The following RBMS1 variants were observed in gnomAD, a reference collection of about 807,000 sequenced individuals.
RBMS1 encodes the protein RNA-binding motif, single-stranded-interacting protein 1.
A neutral mutation model predicts 62.3 loss-of-function variants in RBMS1; 17 were observed. The observed-to-expected ratio is 0.27, with a 90% confidence interval of 0.19 to 0.41. RBMS1 has a LOEUF of 0.41. Among genes scored for constraint, RBMS1 ranks in the 10% least tolerant of loss-of-function variants. The pLI is 1.00. For missense variants in RBMS1, 334 were observed against 504.5 expected (o/e 0.66, Z 3.24); for synonymous variants, 172 against 170.0 (o/e 1.01, Z -0.09).
At chr2:160,304,111 A>T (rs1227647143) in intron 4 of RBMS1, among the ~76,000 whole-genome samples, 4 of 152,098 alleles carry the variant, frequency 2.6e-5, no homozygotes, top group Non-Finnish European at 5.9e-5. Flanking sequence ...TCAAGAGTAG[A>T]TGGGAAAGGA....
chr2:160,485,319 T>A (rs1286473485), intron 1 of RBMS1, among the ~76,000 whole-genome samples: 1 of 152,126 alleles, frequency 6.6e-6, no homozygotes, highest in Non-Finnish European at 1.5e-5. Flanking sequence ...CAAAGCCTTG[T>A]TGAAAGATTG....
chr2:160,464,401 T>C (rs1225761799), intron 1 of RBMS1, among the ~76,000 whole-genome samples: 1 of 152,208 alleles, frequency 6.6e-6, no homozygotes, highest in Non-Finnish European at 1.5e-5. Context: ...ATCATAAATG[T>C]AGATTTAAAA....
intron 2 of RBMS1, among the ~76,000 whole-genome samples, chr2:160,319,951 T>G (rs916893694): frequency 2.0e-5 from 3 of 152,240 alleles, no homozygotes; most frequent in African/African-American, 7.2e-5. Flanking sequence ...GGCATAATGC[T>G]GCACAAACAC....
chr2:160,450,563 T>TAGAAAAAAAAAAAAAAAAAAAAAAAAA (rs71006605), intron 1 of RBMS1, among the ~76,000 whole-genome samples: 1 of 122,386 alleles, frequency 8.2e-6, no homozygotes, highest in African/African-American at 3.0e-5. Context: ...AAATAAAAAA[T>TAGAAAAAAAAAAAAAAAAAAAAAAAAA]GAAAAAAAAA....
intron 1 of RBMS1, among the ~76,000 whole-genome samples, chr2:160,481,808 T>A (rs927426771): frequency 1.3e-5 from 2 of 152,168 alleles, no homozygotes; most frequent in Non-Finnish European, 2.9e-5. Context: ...CACAATGAGA[T>A]ATCCACTCAC....
chr2:160,300,148 A>C (rs1689134502), intron 6 of RBMS1, among the ~76,000 whole-genome samples: 1 of 152,226 alleles, frequency 6.6e-6, no homozygotes, highest in South Asian at 2.1e-4. Flanking sequence ...TTTGTATTTC[A>C]GATCAGGGTT....
intron 2 of RBMS1, among the ~76,000 whole-genome samples, chr2:160,361,481 T>C (rs1693124955): frequency 6.6e-6 from 1 of 152,214 alleles, no homozygotes. Context: ...CACAGGCATA[T>C]CTCAGAGACA....
rs1018324683 is a variant in RBMS1, at chr2:160,367,815, TA to T, written c.76-425del. Among the ~76,000 whole-genome samples the T allele has an allele frequency of 1.7e-3, 251 of 152,118 alleles. 2 individuals carry two copies. The highest frequency in any genetic ancestry group is 5.7e-3 in the African/African-American group (236 of 41,478). On this transcript the variant is annotated intron_variant, in intron 1 of 13. Transcript: ENST00000348849. ...CTTAAAATTTTATTAGGATGACTCT[TA>T]AAAAAAATTACTTCTCAAGTACAAG...
intron 6 of RBMS1, among the ~76,000 whole-genome samples, chr2:160,288,499 C>T (rs1384100209): frequency 6.6e-6 from 1 of 152,194 alleles, no homozygotes; most frequent in African/African-American, 2.4e-5. Flanking sequence ...CTGCCTGGCA[C>T]TCCTTTCTTC....
intron 1 of RBMS1, among the ~76,000 whole-genome samples, chr2:160,445,255 T>C (rs1279477085): frequency 1.3e-5 from 2 of 152,224 alleles, no homozygotes; most frequent in Non-Finnish European, 2.9e-5. Flanking sequence ...GGTTAAGACA[T>C]GTTTACTACA....
At chr2:160,457,584 T>C (rs1339405721) in intron 1 of RBMS1, among the ~76,000 whole-genome samples, 2 of 152,212 alleles carry the variant, frequency 1.3e-5, no homozygotes, top group Non-Finnish European at 2.9e-5. Context: ...CTTCAAGAAA[T>C]AGCTACAATT....
At chr2:160,298,525 A>T (rs1418636075) in intron 6 of RBMS1, among the ~76,000 whole-genome samples, 1 of 152,182 alleles carries the variant, frequency 6.6e-6, no homozygotes, top group Non-Finnish European at 1.5e-5. Flanking sequence ...AGCAGATAGA[A>T]GAAATAAGTT....
At chr2:160,448,909 C>A (rs535892236) in intron 1 of RBMS1, among the ~76,000 whole-genome samples, 4 of 152,084 alleles carry the variant, frequency 2.6e-5, no homozygotes, top group Admixed American at 2.6e-4. Context: ...CCCCGCCACC[C>A]CATCTGGGAT....
At chr2:160,434,008 T>G (rs1341223969) in intron 1 of RBMS1, among the ~76,000 whole-genome samples, 3 of 152,198 alleles carry the variant, frequency 2.0e-5, no homozygotes. Flanking sequence ...ATGACCCTTT[T>G]GTTTAAAGTC....
intron 1 of RBMS1, among the ~76,000 whole-genome samples, chr2:160,387,562 A>G (rs6711540): frequency 2.6e-5 from 4 of 152,006 alleles, no homozygotes; most frequent in African/African-American, 9.6e-5. Context: ...GCCCTGGAAC[A>G]TTTTCTGTCT....
intron 6 of RBMS1, among the ~76,000 whole-genome samples, chr2:160,289,662 T>C (rs1405882672): frequency 6.6e-6 from 1 of 152,168 alleles, no homozygotes; most frequent in Non-Finnish European, 1.5e-5. Flanking sequence ...CCTAATCTCA[T>C]GAAAACCCAT....
intron 1 of RBMS1, among the ~76,000 whole-genome samples, chr2:160,458,424 T>G (rs1481337599): frequency 3.3e-5 from 5 of 152,306 alleles, no homozygotes; most frequent in Admixed American, 1.3e-4. Context: ...GCAACCACAC[T>G]CCACAAAACT....
At chr2:160,376,382 T>C (rs994766165) in intron 1 of RBMS1, among the ~76,000 whole-genome samples, 33 of 152,332 alleles carry the variant, frequency 2.2e-4, no homozygotes, top group African/African-American at 7.9e-4. Flanking sequence ...AACAAGTATT[T>C]GCAATCTCCC....
chr2:160,462,169 C>T (rs959845803), intron 1 of RBMS1, among the ~76,000 whole-genome samples: 1 of 152,066 alleles, frequency 6.6e-6, no homozygotes, highest in East Asian at 1.9e-4. Context: ...TTCACCAGGG[C>T]GAGGGTATTC....
Sources: allele counts gnomAD v4.1 joint callset (sites outside exome capture counted in the v4.1 genomes callset), GRCh38; gene constraint gnomAD v4.1.1; transcripts MANE v1.5; gene names NCBI Gene and HGNC (gene_info 2026-07-23, HGNC 2026-07-21).